The following NCKAP5 variants were observed in gnomAD, a reference collection of about 807,000 sequenced individuals.
NCKAP5 encodes the protein nck-associated protein 5.
Under a neutral mutation model 167.0 loss-of-function variants are expected in NCKAP5, and 92 were observed. The ratio of observed to expected loss-of-function variants is 0.55; its 90% CI spans 0.47 to 0.66. The LOEUF (loss-of-function observed/expected upper bound fraction) is 0.66, where lower values mean the gene tolerates loss of function less well. NCKAP5 is among the 30% of genes least tolerant of loss of function. The pLI is 0.00. For missense variants in NCKAP5, 2,378 were observed against 2,315.0 expected, an observed-to-expected ratio of 1.03 and a Z score of -0.56; for synonymous variants, 891 against 877.4, an observed-to-expected ratio of 1.02 and a Z score of -0.27.
At chr2:133,017,354 C>CA (rs1337010596) in intron 6 of NCKAP5, among the ~76,000 whole-genome samples, 1 of 152,160 alleles carries the variant, frequency 6.6e-6, no homozygotes, top group Admixed American at 6.5e-5. Context: ...ATTCTTAAAA[C>CA]AAAGCAGGGT....
chr2:133,449,407 G>T (rs1199778456), intron 3 of NCKAP5, among the ~76,000 whole-genome samples: 1 of 152,132 alleles, frequency 6.6e-6, no homozygotes, highest in African/African-American at 2.4e-5. Flanking sequence ...ATATTTCAAG[G>T]AATTTTTTAA....
chr2:133,562,672 C>CAAGA (rs1688247069), intron 1 of NCKAP5, among the ~76,000 whole-genome samples: 1 of 152,200 alleles, frequency 6.6e-6, no homozygotes, highest in Admixed American at 6.5e-5. Context: ...ACTCAGTCCA[C>CAAGA]TGGGCTTCTA....
chr2:132,955,271 G>A (rs563949401), intron 8 of NCKAP5, among the ~76,000 whole-genome samples: 1 of 152,316 alleles, frequency 6.6e-6, no homozygotes, highest in South Asian at 2.1e-4. Context: ...TGTCAGGGGA[G>A]CCCTCAAAGG....
chr2:132,792,509 A>G (rs149423976), intron 12 of NCKAP5, among the ~76,000 whole-genome samples: 161 of 152,310 alleles, frequency 1.1e-3, no homozygotes, highest in Non-Finnish European at 1.7e-3. Flanking sequence ...CTTCACTTCT[A>G]CTGTGTGCTT....
At chr2:133,005,902 A>T (rs2077949483) in intron 6 of NCKAP5, among the ~76,000 whole-genome samples, 1 of 152,182 alleles carries the variant, frequency 6.6e-6, no homozygotes, top group African/African-American at 2.4e-5. Flanking sequence ...TTTGATAAAG[A>T]TTAGTATTTT....
chr2:133,218,619 C>T (rs1177151092), intron 4 of NCKAP5, among the ~76,000 whole-genome samples: 1 of 152,136 alleles, frequency 6.6e-6, no homozygotes, highest in Admixed American at 6.6e-5. Flanking sequence ...CTTGAATCCT[C>T]ATTCTTAATT....
chr2:133,187,067 T>C (rs1366979628), intron 5 of NCKAP5, among the ~76,000 whole-genome samples: 1 of 152,084 alleles, frequency 6.6e-6, no homozygotes, highest in Non-Finnish European at 1.5e-5. Context: ...GAGATTTTTC[T>C]AACTTCTTGA....
At position 133,424,268 on chromosome 2, in the gene NCKAP5, C is replaced by G. The variant is rs1344489384; in HGVS notation, c.69+93190G>C. On this transcript the variant is annotated intron_variant, in intron 3 of 19. Transcript: ENST00000409261. The stretch of plus-strand genomic sequence containing the variant: ...TCCTTCTCAGGCTGCTGTTAATGCT[C>G]TCAATTTTCTCAGGCCTCAGAGGTT... Among the ~76,000 whole-genome samples the G allele has an allele frequency of 2.0e-5, 3 of 152,180 alleles. No individual in the cohort carries two copies. In the East Asian group the frequency reaches 5.8e-4, roughly 29 times the overall value.
At chr2:132,917,274 A>G (rs1694959106) in intron 8 of NCKAP5, among the ~76,000 whole-genome samples, 1 of 152,216 alleles carries the variant, frequency 6.6e-6, no homozygotes. Context: ...GTGCTTCATT[A>G]TGGTTTTAGA....
At chr2:133,485,581 CAG>C (rs1196984099) in intron 3 of NCKAP5, among the ~76,000 whole-genome samples, 2 of 152,154 alleles carry the variant, frequency 1.3e-5, no homozygotes, top group Non-Finnish European at 2.9e-5. Flanking sequence ...AGGTCAAAAT[CAG>C]AAACTGAAGT....
intron 3 of NCKAP5, among the ~76,000 whole-genome samples, chr2:133,308,689 C>CTTTTTTTTTTTTTT (rs35760716): frequency 5.1e-5 from 3 of 59,278 alleles, no homozygotes; most frequent in Admixed American, 1.9e-4. Context: ...AAATACAATT[C>CTTTTTTTTTTTTTT]TTTTTTTTTT....
intron 7 of NCKAP5, among the ~76,000 whole-genome samples, chr2:132,991,980 G>A (rs1055742537): frequency 1.5e-4 from 23 of 152,274 alleles, no homozygotes; most frequent in African/African-American, 4.3e-4. Context: ...GGGACTTGGC[G>A]CCACCCAGCA....
chr2:133,218,462 T>A (rs1397663231), intron 4 of NCKAP5, among the ~76,000 whole-genome samples: 1 of 152,122 alleles, frequency 6.6e-6, no homozygotes, highest in African/African-American at 2.4e-5. Flanking sequence ...GCAAATATCA[T>A]CTTAGTGTTA....
chr2:133,479,826 A>T (rs767531896), intron 3 of NCKAP5, among the ~76,000 whole-genome samples: 2 of 152,232 alleles, frequency 1.3e-5, no homozygotes, highest in African/African-American at 2.4e-5. Context: ...CACTTTGATA[A>T]GACATTAGAA....
intron 5 of NCKAP5, among the ~76,000 whole-genome samples, chr2:133,211,981 C>T (rs1277132753): frequency 6.6e-6 from 1 of 152,202 alleles, no homozygotes; most frequent in Admixed American, 6.5e-5. Context: ...AAAGTTCATT[C>T]TTTCAAGGCC....
At position 132,837,876 on chromosome 2, in the gene NCKAP5, G is replaced by A. The variant is rs535799880; in HGVS notation, c.807+22616C>T. Among the ~76,000 whole-genome samples, 16 of 152,256 alleles carry A rather than the reference G, an allele frequency of 1.1e-4. 1 individual carries two copies. The South Asian group carries it at 2.9e-3, about 28-fold the overall frequency. On this transcript the variant is annotated intron_variant, in intron 11 of 19. Transcript: ENST00000409261. Reference sequence around the variant, plus strand: ...GAGGCTGTTTAGCTCCTGCTGAGACGAGTGATCCAATCCCCACAGGCTGAG... The same window carrying A: ...GAGGCTGTTTAGCTCCTGCTGAGACAAGTGATCCAATCCCCACAGGCTGAG...
At chr2:133,292,410 G>C (rs1679665547) in intron 4 of NCKAP5, among the ~76,000 whole-genome samples, 1 of 151,956 alleles carries the variant, frequency 6.6e-6, no homozygotes, top group Non-Finnish European at 1.5e-5. Flanking sequence ...GTCTGCTGGA[G>C]TTTTTCTTCT....
At chr2:133,208,376 T>C (rs1263480712) in intron 5 of NCKAP5, among the ~76,000 whole-genome samples, 1 of 152,162 alleles carries the variant, frequency 6.6e-6, no homozygotes, top group East Asian at 1.9e-4. Flanking sequence ...TGATAATATA[T>C]ACTTTTGATA....
the NCKAP5 span, among the ~76,000 whole-genome samples, chr2:133,658,494 T>C: frequency 1.3e-5 from 2 of 152,166 alleles, no homozygotes; most frequent in East Asian, 3.9e-4. Context: ...GGTGGAAAGA[T>C]TGGCCCCCCT....
Sources: gnomAD v4.1 joint callset for allele counts (sites outside exome capture counted in the v4.1 genomes callset) on GRCh38, gnomAD v4.1.1 for gene constraint, MANE v1.5 for transcripts, NCBI Gene and HGNC (gene_info 2026-07-23, HGNC 2026-07-21) for gene names.